The following GALNT17 variants were observed in gnomAD, a reference collection of about 807,000 sequenced individuals.
GALNT17 encodes the protein UDP-GalNAc:polypeptide N-acetylgalactosaminyltransferase-like 3.
Under a neutral mutation model 63.7 loss-of-function variants are expected in GALNT17, and 29 were observed. The observed-to-expected ratio is 0.46, with a 90% CI of 0.34 to 0.62. GALNT17 has a LOEUF of 0.62. Ranked by LOEUF, GALNT17 falls within the 20% of genes least tolerant of loss-of-function variation. The pLI, the probability that GALNT17 is intolerant of heterozygous loss-of-function variation, is 0.01. For missense variants in GALNT17, 603 were observed against 799.6 expected, an observed-to-expected ratio of 0.75 and a Z score of 2.97; for synonymous variants, 305 against 318.3, an observed-to-expected ratio of 0.96 and a Z score of 0.45.
intron 1 of GALNT17, among the ~76,000 whole-genome samples, chr7:71,296,525 A>G (rs1041994426): frequency 5.9e-5 from 9 of 152,100 alleles, no homozygotes; most frequent in African/African-American, 2.2e-4. Context: ...TGAGGCAGGG[A>G]GAATCACTTG....
At chr7:71,701,323 C>A (rs958461899) in intron 9 of GALNT17, among the ~76,000 whole-genome samples, 6 of 151,918 alleles carry the variant, frequency 3.9e-5, no homozygotes, top group Non-Finnish European at 5.9e-5. Context: ...CTTGTCTCTA[C>A]TAAAAGTATA....
At chr7:71,139,666 T>G (rs1387575456) in intron 1 of GALNT17, among the ~76,000 whole-genome samples, 1 of 151,992 alleles carries the variant, frequency 6.6e-6, no homozygotes, top group Non-Finnish European at 1.5e-5. Flanking sequence ...GGAAGAGATT[T>G]GCTCTCACAG....
chr7:71,311,253 G>T (rs1030391014), intron 1 of GALNT17, among the ~76,000 whole-genome samples: 2 of 152,132 alleles, frequency 1.3e-5, no homozygotes, highest in Non-Finnish European at 2.9e-5. Flanking sequence ...GCCTGATGAG[G>T]ATGCATGGTT....
chr7:71,445,202 A>G (rs1787139903), intron 5 of GALNT17, among the ~76,000 whole-genome samples: 1 of 139,258 alleles, frequency 7.2e-6, no homozygotes, highest in African/African-American at 2.7e-5. Flanking sequence ...TTTTTGAGAC[A>G]GATTCTCACT....
intron 1 of GALNT17, among the ~76,000 whole-genome samples, chr7:71,156,807 A>G (rs969370230): frequency 1.3e-5 from 2 of 151,246 alleles, no homozygotes; most frequent in African/African-American, 2.5e-5. Context: ...GCAGACTCCA[A>G]TCCCTGGGCT....
rs1563033413 is a variant in GALNT17 at position 71,361,271 on chromosome 7, TA to T, written c.422+25544del. 5.3e-5 allele frequency among the ~76,000 whole-genome samples: 8 copies of T among 152,116 alleles called. No individual in the cohort carries two copies. The South Asian group carries it at 1.7e-3, about 32-fold the overall frequency. On this transcript the variant is annotated intron_variant, in intron 2 of 10. Coordinates refer to ENST00000333538, the MANE Select transcript of GALNT17 (RefSeq NM_022479.3). ...GGTGTCAATTGAAATACAAAATAAA[TA>T]AAAAATAAAAAACCACTATCAACAA...
intron 2 of GALNT17, among the ~76,000 whole-genome samples, chr7:71,365,545 G>A (rs1792488556): frequency 6.6e-6 from 1 of 152,070 alleles, no homozygotes; most frequent in South Asian, 2.1e-4. Flanking sequence ...CACCCAGGAG[G>A]AATAGTTTTA....
intron 5 of GALNT17, among the ~76,000 whole-genome samples, chr7:71,505,467 G>T (rs1788251627): frequency 6.6e-6 from 1 of 152,124 alleles, no homozygotes; most frequent in South Asian, 2.1e-4. Context: ...ATATGGGGTG[G>T]CACATACTTG....
At chr7:71,281,675 A>G (rs996224513) in intron 1 of GALNT17, among the ~76,000 whole-genome samples, 1 of 152,144 alleles carries the variant, frequency 6.6e-6, no homozygotes, top group Non-Finnish European at 1.5e-5. Context: ...CCCTCTCTGA[A>G]GTCTACTGCA....
intron 3 of GALNT17, among the ~76,000 whole-genome samples, chr7:71,410,454 C>CA (rs1275433044): frequency 6.6e-6 from 1 of 152,156 alleles, no homozygotes; most frequent in Non-Finnish European, 1.5e-5. Context: ...CCACGTTGGC[C>CA]AGGCTGGTCT....
chr7:71,539,139 C>T (rs1788846786), intron 5 of GALNT17, among the ~76,000 whole-genome samples: 1 of 152,072 alleles, frequency 6.6e-6, no homozygotes, highest in South Asian at 2.1e-4. Flanking sequence ...ACCATGTTGG[C>T]CACGCTAGTC....
chr7:71,433,109 C>T (rs1786898676), intron 5 of GALNT17, among the ~76,000 whole-genome samples: 1 of 152,108 alleles, frequency 6.6e-6, no homozygotes, highest in South Asian at 2.1e-4. Context: ...CTGGCCCCAT[C>T]TCTATTCTTT....
At chr7:71,416,901 G>A (rs1563076942) in intron 4 of GALNT17, among the ~76,000 whole-genome samples, 1 of 152,188 alleles carries the variant, frequency 6.6e-6, no homozygotes, top group Non-Finnish European at 1.5e-5. Flanking sequence ...GAAAAGAACA[G>A]AATGTGAGAA....
chr7:71,359,711 G>A (rs766724119), intron 2 of GALNT17, among the ~76,000 whole-genome samples: 69 of 151,900 alleles, frequency 4.5e-4, no homozygotes, highest in Admixed American at 2.3e-3. Flanking sequence ...AGCCTCTTAA[G>A]TTGCTGGGAT....
intron 1 of GALNT17, among the ~76,000 whole-genome samples, chr7:71,286,045 T>A (rs1396316684): frequency 3.3e-5 from 5 of 152,046 alleles, no homozygotes; most frequent in Admixed American, 3.3e-4. Flanking sequence ...AACTGTGTGC[T>A]CCCCCAGCCC....
chr7:71,330,472 A>C (rs1791788789), intron 1 of GALNT17, among the ~76,000 whole-genome samples: 1 of 152,134 alleles, frequency 6.6e-6, no homozygotes, highest in Non-Finnish European at 1.5e-5. Context: ...ATCATAGCTC[A>C]TTGCAGGCTT....
intron 6 of GALNT17, among the ~76,000 whole-genome samples, chr7:71,658,903 C>T (rs1167921953): frequency 1.3e-5 from 2 of 151,944 alleles, no homozygotes; most frequent in Non-Finnish European, 2.9e-5. Flanking sequence ...AAAAAAAATC[C>T]CTCAAATCTA....
intron 2 of GALNT17, among the ~76,000 whole-genome samples, chr7:71,378,720 G>A (rs1017825528): frequency 1.3e-5 from 2 of 152,026 alleles, no homozygotes; most frequent in East Asian, 1.9e-4. Context: ...ACTGTGGCTC[G>A]TGCCTGTAAT....
At chr7:71,152,523 T>C (rs886803580) in intron 1 of GALNT17, among the ~76,000 whole-genome samples, 4 of 152,190 alleles carry the variant, frequency 2.6e-5, no homozygotes, top group African/African-American at 4.8e-5. Flanking sequence ...CATTGCTTGG[T>C]GCTCCAGCCC....
Sources: allele counts gnomAD v4.1 joint callset (sites outside exome capture counted in the v4.1 genomes callset), GRCh38; gene constraint gnomAD v4.1.1; transcripts MANE v1.5; gene names NCBI Gene and HGNC (gene_info 2026-07-23, HGNC 2026-07-21).